Variants in NELL1 observed in about 807,000 individuals in gnomAD.
NELL1 encodes protein kinase C-binding protein NELL1.
In NELL1, 76 loss-of-function variants were observed where a neutral mutation model predicts 107.4. The ratio of observed to expected loss-of-function variants is 0.71; its 90% CI spans 0.59 to 0.86. The LOEUF is 0.86. NELL1 is among the 40% of genes least tolerant of loss of function. The probability of loss-of-function intolerance (pLI) is 0.00; values close to 1 mark genes in which losing one functional copy is unlikely to be tolerated. For synonymous variants in NELL1, 353 were observed against 341.2 expected (o/e 1.03, Z -0.38); for missense variants, 1,024 against 1,005.5 (o/e 1.02, Z -0.25).
At chr11:20,898,764 A>G (rs573969987) in intron 5 of NELL1, among the ~76,000 whole-genome samples, 1 of 152,020 alleles carries the variant, frequency 6.6e-6, no homozygotes, top group East Asian at 1.9e-4. Flanking sequence ...TTCTTTATTC[A>G]TTCATTCATT....
In NELL1 at chr11:21,534,374, A is replaced by C. The variant is rs756067630; in HGVS notation, c.1646A>C (p.Asp549Ala). The change falls in exon 16 of 20, where the codon GAT becomes GCT. Residue 549 changes from aspartate to alanine, a missense_variant and splice_region_variant. Asp to Ala is a moderately radical substitution (Grantham distance 126). Transcript: ENST00000357134. ...SGFTGSHCEKDIDECSEGIIE... is the reference protein window; with the variant it reads ...SGFTGSHCEKAIDECSEGIIE... ...GGGCTTGTGTTTTTCTCTGAGGCAG[A>C]TATTGATGAATGTTCAGAGGGAATC... 3.1e-6 allele frequency: 5 copies of C among 1,613,754 alleles called. No individual in the cohort carries two copies. Among genetic ancestry groups the C allele is most frequent in the Non-Finnish European group, 4.2e-6 (5 of 1,179,760 alleles).
At chr11:20,986,325 G>A (rs1851851856) in intron 12 of NELL1, among the ~76,000 whole-genome samples, 1 of 152,232 alleles carries the variant, frequency 6.6e-6, no homozygotes, top group African/African-American at 2.4e-5. Context: ...TCCCATGACA[G>A]ATCTGCCCAT....
intron 3 of NELL1, among the ~76,000 whole-genome samples, chr11:20,793,055 A>G (rs10766726): frequency 0.59 from 89,481 of 151,768 alleles, 29,148 homozygotes; most frequent in East Asian, 0.87. Context: ...ACATGTAAAC[A>G]TAATTAGAAA....
intron 15 of NELL1, among the ~76,000 whole-genome samples, chr11:21,529,888 A>G (rs1419488351): frequency 2.0e-5 from 3 of 152,186 alleles, no homozygotes; most frequent in African/African-American, 7.2e-5. Context: ...TTAGAAAACA[A>G]AGACTTGTGA....
At chr11:21,166,184 G>A (rs1244364903) in intron 13 of NELL1, among the ~76,000 whole-genome samples, 2 of 151,496 alleles carry the variant, frequency 1.3e-5, no homozygotes, top group African/African-American at 4.9e-5. Flanking sequence ...TAAAACAAGT[G>A]AACCCATGAA....
intron 14 of NELL1, among the ~76,000 whole-genome samples, chr11:21,311,295 G>T (rs779563323): frequency 1.3e-5 from 2 of 152,032 alleles, no homozygotes; most frequent in South Asian, 2.1e-4. Flanking sequence ...TCTTTAAGGC[G>T]ATTATTTTGT....
chr11:21,123,334 C>CGTGTGTGTGTGTGT (rs142012176), intron 13 of NELL1, among the ~76,000 whole-genome samples: 7 of 132,482 alleles, frequency 5.3e-5, no homozygotes, highest in African/African-American at 1.6e-4. Context: ...TGTGTGCCTG[C>CGTGTGTGTGTGTGT]GTGTGTGTGT....
At position 20,739,521 on chromosome 11, in the gene NELL1, G is replaced by A. The variant is rs543029394; in HGVS notation, c.185-44159G>A. Reference sequence around the variant, plus strand: ...TGCCTGTATTTACATTTTCTGTCACGATAGAGAGAGTGGGAGCTGTGGCAT... The same window carrying A: ...TGCCTGTATTTACATTTTCTGTCACAATAGAGAGAGTGGGAGCTGTGGCAT... On this transcript the variant is annotated intron_variant, in intron 2 of 19. Coordinates refer to ENST00000357134, the MANE Select transcript of NELL1 (RefSeq NM_006157.5). Among the ~76,000 whole-genome samples the A allele has an allele frequency of 3.0e-4, 45 of 152,260 alleles. No individual in the cohort carries two copies. In the South Asian group the frequency reaches 9.3e-3, roughly 32 times the overall value.
chr11:21,078,347 TA>T (rs1854189705), intron 12 of NELL1, among the ~76,000 whole-genome samples: 1 of 152,062 alleles, frequency 6.6e-6, no homozygotes, highest in Non-Finnish European at 1.5e-5. Context: ...GCAGGTAATT[TA>T]AAATAAAGAC....
intron 3 of NELL1, among the ~76,000 whole-genome samples, chr11:20,804,358 C>T (rs1857339014): frequency 6.6e-6 from 1 of 152,138 alleles, no homozygotes; most frequent in African/African-American, 2.4e-5. Context: ...GCCTTGGCCT[C>T]TCAAGTAGCT....
intron 14 of NELL1, among the ~76,000 whole-genome samples, chr11:21,312,546 C>T (rs1485016838): frequency 6.6e-6 from 1 of 152,134 alleles, no homozygotes. Context: ...TACATTTTCT[C>T]ATTTCATTCT....
At chr11:21,033,521 G>C (rs1177711261) in intron 12 of NELL1, among the ~76,000 whole-genome samples, 1 of 152,084 alleles carries the variant, frequency 6.6e-6, no homozygotes. Context: ...GTTTTCTAAG[G>C]ATAGTGGCCT....
intron 2 of NELL1, among the ~76,000 whole-genome samples, chr11:20,766,830 C>T (rs1379983651): frequency 6.6e-6 from 1 of 151,862 alleles, no homozygotes; most frequent in Non-Finnish European, 1.5e-5. Context: ...GCTGCCTCTG[C>T]CTCTTGGGTT....
At chr11:21,053,119 C>T (rs1853535227) in intron 12 of NELL1, among the ~76,000 whole-genome samples, 1 of 151,992 alleles carries the variant, frequency 6.6e-6, no homozygotes, top group Non-Finnish European at 1.5e-5. Context: ...GTTAGGATGA[C>T]CCATTGTTTT....
At chr11:20,993,669 T>C (rs1461868404) in intron 12 of NELL1, among the ~76,000 whole-genome samples, 3 of 152,168 alleles carry the variant, frequency 2.0e-5, no homozygotes, top group African/African-American at 7.2e-5. Flanking sequence ...TTAAATCATC[T>C]CTAGATTACT....
At chr11:20,975,665 A>ATACATATTATATATGTATTATATAATG (rs1851594863) in intron 12 of NELL1, among the ~76,000 whole-genome samples, 1 of 115,742 alleles carries the variant, frequency 8.6e-6, no homozygotes. Context: ...ATTATATAAT[A>ATACATATTATATATGTATTATATAATG]TACATATTAT....
intron 14 of NELL1, among the ~76,000 whole-genome samples, chr11:21,360,440 T>C (rs889519904): frequency 2.0e-5 from 3 of 152,148 alleles, no homozygotes; most frequent in African/African-American, 7.2e-5. Context: ...GTTTCATGTA[T>C]TGAAGAAAAG....
At chr11:21,205,823 T>A (rs1387316979) in intron 13 of NELL1, among the ~76,000 whole-genome samples, 1 of 152,216 alleles carries the variant, frequency 6.6e-6, no homozygotes, top group African/African-American at 2.4e-5. Flanking sequence ...ATTTTACTGC[T>A]GTCTCATGTT....
chr11:21,357,372 T>G (rs753955034), intron 14 of NELL1, among the ~76,000 whole-genome samples: 30 of 152,244 alleles, frequency 2.0e-4, no homozygotes, highest in Non-Finnish European at 3.7e-4. Context: ...GGTAGCTCAT[T>G]GTGGTTTTAA....
Sources: allele counts gnomAD v4.1 joint callset (sites outside exome capture counted in the v4.1 genomes callset), GRCh38; gene constraint gnomAD v4.1.1; transcripts MANE v1.5; gene names NCBI Gene and HGNC (gene_info 2026-07-23, HGNC 2026-07-21).